The following CPQ variants were observed in gnomAD, a reference collection of about 807,000 sequenced individuals.
CPQ encodes the protein carboxypeptidase Q.
Under a neutral mutation model 45.7 loss-of-function variants are expected in CPQ, and 37 were observed. The ratio of observed to expected loss-of-function variants is 0.81; its 90% CI spans 0.62 to 1.07. CPQ has a LOEUF of 1.07. Ranked by LOEUF, CPQ falls within the 50% of genes least tolerant of loss-of-function variation. The probability of loss-of-function intolerance (pLI) is 0.00; values close to 1 mark genes in which losing one functional copy is unlikely to be tolerated. For synonymous variants in CPQ, 186 were observed against 205.8 expected (o/e 0.90, Z 0.82); for missense variants, 537 against 572.9 (o/e 0.94, Z 0.64).
intron 7 of CPQ, among the ~76,000 whole-genome samples, chr8:97,073,641 A>G (rs1810794683): frequency 6.6e-6 from 1 of 152,202 alleles, no homozygotes; most frequent in African/African-American, 2.4e-5. Flanking sequence ...GCTGTAAACC[A>G]AACGCTGAGA....
In CPQ at chr8:96,791,103, G is replaced by A. The variant is rs1294931963; in HGVS notation, c.433+5773G>A. 3.3e-5 allele frequency among the ~76,000 whole-genome samples: 5 copies of A among 152,080 alleles called. No individual in the cohort carries two copies. In the South Asian group the frequency reaches 1.0e-3, roughly 31 times the overall value. Reference sequence around the variant, plus strand: ...TTGTCCAGTTATCTGAAAAGGATTAGCACTTTTTTTCCCAGATGAGAGAAC... The same window carrying A: ...TTGTCCAGTTATCTGAAAAGGATTAACACTTTTTTTCCCAGATGAGAGAAC... On this transcript the variant is annotated intron_variant, in intron 2 of 7. Transcript: ENST00000220763.
At chr8:97,050,590 C>T (rs922445472) in intron 6 of CPQ, among the ~76,000 whole-genome samples, 15 of 152,234 alleles carry the variant, frequency 9.9e-5, no homozygotes, top group East Asian at 5.8e-4. Context: ...ACAAGCCAGA[C>T]GTGGTGGTGC....
chr8:96,894,843 A>G (rs1812422679), intron 4 of CPQ, among the ~76,000 whole-genome samples: 1 of 152,220 alleles, frequency 6.6e-6, no homozygotes. Context: ...GAATTAACTA[A>G]TGAAGAACAC....
chr8:96,861,144 T>G (rs144649639), intron 3 of CPQ, among the ~76,000 whole-genome samples: 26 of 152,286 alleles, frequency 1.7e-4, no homozygotes, highest in African/African-American at 6.0e-4. Flanking sequence ...CTGTGACATC[T>G]TTTGGTACTA....
chr8:96,870,385 A>G (rs1381207251), intron 3 of CPQ, among the ~76,000 whole-genome samples: 1 of 152,044 alleles, frequency 6.6e-6, no homozygotes, highest in African/African-American at 2.4e-5. Context: ...AAATACGGTC[A>G]TGGATGAAAT....
At chr8:97,071,744 A>T (rs1586526430) in intron 7 of CPQ, among the ~76,000 whole-genome samples, 1 of 152,222 alleles carries the variant, frequency 6.6e-6, no homozygotes. Flanking sequence ...ATGAAACAGA[A>T]GACCCAGTCA....
intron 1 of CPQ, among the ~76,000 whole-genome samples, chr8:96,683,874 G>C (rs1809187719): frequency 6.6e-6 from 1 of 151,530 alleles, no homozygotes; most frequent in Non-Finnish European, 1.5e-5. Context: ...GAATTCATCA[G>C]TTCCAGGCCT....
Position 96,727,160 on chromosome 8 carries a change from A to G in CPQ, c.-34-57704A>G, listed in dbSNP as rs111525827. Among the ~76,000 whole-genome samples the G allele has an allele frequency of 6.3e-3, 960 of 152,306 alleles. 12 individuals carry two copies. The highest frequency in any genetic ancestry group is 0.021 in the African/African-American group (893 of 41,568). On this transcript the variant is annotated intron_variant, in intron 1 of 7. Coordinates refer to ENST00000220763, the MANE Select transcript of CPQ (RefSeq NM_016134.4). ...CACTTAGTGACTAAATTACTGGGTCATAGAGTATGTGAGTTTTCCACTTTA... is the reference window on the plus strand; with the variant it reads ...CACTTAGTGACTAAATTACTGGGTCGTAGAGTATGTGAGTTTTCCACTTTA...
Position 96,965,924 on chromosome 8 carries a change from A to T in CPQ, c.850-11A>T. 2 of 1,513,656 alleles carry T rather than the reference A, an allele frequency of 1.3e-6. No homozygotes were observed. Among genetic ancestry groups the T allele is most frequent in the South Asian group, 1.3e-5 (1 of 75,744 alleles). The allele number at this position is 1,513,656 out of a possible 1,614,324, so 93.8% of individuals were successfully genotyped here. ...TAGTTTTATTTTTTAACTTTTTATT[A>T]TTTGTTCTAGGTTGTACTGGTCAGT... On this transcript the variant is annotated splice_polypyrimidine_tract_variant and intron_variant, in intron 4 of 7. Transcript: ENST00000220763.
chr8:96,712,081 T>G (rs1360507915), intron 1 of CPQ, among the ~76,000 whole-genome samples: 1 of 152,058 alleles, frequency 6.6e-6, no homozygotes, highest in Non-Finnish European at 1.5e-5. Flanking sequence ...AAGTCTGAAA[T>G]CTAATAGGGC....
chr8:96,944,091 T>C (rs1207456941), intron 4 of CPQ, among the ~76,000 whole-genome samples: 1 of 152,196 alleles, frequency 6.6e-6, no homozygotes, highest in African/African-American at 2.4e-5. Context: ...ACAGCCCTTC[T>C]GTTAGTCCTG....
intron 1 of CPQ, among the ~76,000 whole-genome samples, chr8:96,686,042 G>T (rs1809222958): frequency 6.6e-6 from 1 of 152,066 alleles, no homozygotes; most frequent in African/African-American, 2.4e-5. Flanking sequence ...AAGTAGTGGT[G>T]TCACAATATT....
intron 7 of CPQ, among the ~76,000 whole-genome samples, chr8:97,123,002 T>TATAAAATAAA (rs1554591573): frequency 7.2e-4 from 11 of 15,220 alleles, no homozygotes; most frequent in Admixed American, 5.1e-3. Context: ...TAAAATAAAA[T>TATAAAATAAA]ATAAAATAAA....
intron 6 of CPQ, among the ~76,000 whole-genome samples, chr8:97,059,375 C>T (rs1810509016): frequency 6.6e-6 from 1 of 152,128 alleles, no homozygotes; most frequent in African/African-American, 2.4e-5. Context: ...AATTTTGGTA[C>T]TAATGTAACT....
At chr8:96,653,334 T>G (rs1815599964) in intron 1 of CPQ, among the ~76,000 whole-genome samples, 1 of 152,242 alleles carries the variant, frequency 6.6e-6, no homozygotes, top group Non-Finnish European at 1.5e-5. Context: ...TGTTGAGCAT[T>G]TTTTAATATA....
At chr8:96,803,473 G>A (rs1391717311) in intron 2 of CPQ, among the ~76,000 whole-genome samples, 5 of 152,140 alleles carry the variant, frequency 3.3e-5, no homozygotes, top group African/African-American at 1.2e-4. Context: ...GGAATTGGAG[G>A]AATCAAAGAT....
chr8:97,076,294 G>A (rs1810845702), intron 7 of CPQ, among the ~76,000 whole-genome samples: 1 of 152,098 alleles, frequency 6.6e-6, no homozygotes, highest in South Asian at 2.1e-4. Flanking sequence ...AAAGTGCTGG[G>A]ATTACAGTCA....
chr8:96,850,078 G>C (rs539547590), intron 3 of CPQ, among the ~76,000 whole-genome samples: 1 of 152,122 alleles, frequency 6.6e-6, no homozygotes, highest in Non-Finnish European at 1.5e-5. Context: ...TTTGATCTCC[G>C]TAGGTCCCCC....
At chr8:96,760,534 G>A (rs1810387259) in intron 1 of CPQ, among the ~76,000 whole-genome samples, 1 of 152,152 alleles carries the variant, frequency 6.6e-6, no homozygotes, top group African/African-American at 2.4e-5. Flanking sequence ...GGGCTAATGA[G>A]AAGGAGCAGT....
Sources: allele counts gnomAD v4.1 joint callset (sites outside exome capture counted in the v4.1 genomes callset), GRCh38; gene constraint gnomAD v4.1.1; transcripts MANE v1.5; gene names NCBI Gene and HGNC (gene_info 2026-07-23, HGNC 2026-07-21).